Variants in SLC29A3 observed in about 807,000 individuals in gnomAD.
The protein encoded by SLC29A3 is solute carrier family 29 member 3.
Under a neutral mutation model 25.4 loss-of-function variants are expected in SLC29A3, and 18 were observed. The observed-to-expected ratio is 0.71, with a 90% CI of 0.49 to 1.05. The LOEUF (loss-of-function observed/expected upper bound fraction) is 1.05, where lower values mean the gene tolerates loss of function less well. Ranked by LOEUF, SLC29A3 falls within the 50% of genes least tolerant of loss-of-function variation. The pLI, the probability that SLC29A3 is intolerant of heterozygous loss-of-function variation, is 0.00. For missense variants in SLC29A3, 586 were observed against 609.0 expected, an observed-to-expected ratio of 0.96 and a Z score of 0.40; for synonymous variants, 258 against 267.1, an observed-to-expected ratio of 0.97 and a Z score of 0.33.
At chr10:71,378,101 G>GGA (rs1350877394) in intron 4 of SLC29A3, among the ~76,000 whole-genome samples, 5 of 138,196 alleles carry the variant, frequency 3.6e-5, no homozygotes, top group Non-Finnish European at 7.7e-5. Context: ...ATGTTGGGGG[G>GGA]GGGGGTCCTC....
rs775986418 is a variant in SLC29A3, at chr10:71,351,555, G to A, written c.384-7G>A. The A allele has an allele frequency of 9.9e-6, 16 of 1,613,160 alleles. No individual in the cohort carries two copies. The highest frequency in any genetic ancestry group is 4.0e-5 in the African/African-American group (3 of 74,896). On this transcript the variant is annotated splice_polypyrimidine_tract_variant and splice_region_variant and intron_variant, in intron 3 of 5. Transcript: ENST00000373189. ...GTGTCTAACTGCTTCTGGCATCCTCGCCCCAGGGTTGCAGTCCACATCCGT... is the reference window on the plus strand; with the variant it reads ...GTGTCTAACTGCTTCTGGCATCCTCACCCCAGGGTTGCAGTCCACATCCGT...
chr10:71,337,430 A>G (rs1846281425), intron 2 of SLC29A3, among the ~76,000 whole-genome samples: 1 of 152,238 alleles, frequency 6.6e-6, no homozygotes, highest in Non-Finnish European at 1.5e-5. Flanking sequence ...TCTTGGCTCC[A>G]ACCTGCTCGC....
rs1847196125 is a variant in SLC29A3, at chr10:71,369,623, C to A, written c.*95-6072C>A. 2.0e-5 allele frequency among the ~76,000 whole-genome samples: 3 copies of A among 152,234 alleles called. No homozygotes were observed. The South Asian group carries it at 6.2e-4, about 31-fold the overall frequency. ...GAGCAACAATCCAACCTGGGCTCTG[C>A]AATCCACTGCTGGCCATGAGCTTGG... is the stretch of plus-strand genomic sequence containing the variant. On this transcript the variant is annotated intron_variant and NMD_transcript_variant, in intron 3 of 4. Transcript: ENST00000642772.
At chr10:71,334,579 A>G (rs1846196410) in intron 2 of SLC29A3, among the ~76,000 whole-genome samples, 1 of 152,218 alleles carries the variant, frequency 6.6e-6, no homozygotes, top group South Asian at 2.1e-4. Flanking sequence ...TGAATCTCCC[A>G]TGTCTACAAC....
At chr10:71,350,825 A>G (rs1846735918) in intron 3 of SLC29A3, among the ~76,000 whole-genome samples, 1 of 152,176 alleles carries the variant, frequency 6.6e-6, no homozygotes, top group Non-Finnish European at 1.5e-5. Context: ...TCCTGGGTTC[A>G]TTGCTGAGTG....
intron 2 of SLC29A3, among the ~76,000 whole-genome samples, chr10:71,333,840 A>G (rs1022534598): frequency 6.6e-6 from 1 of 152,152 alleles, no homozygotes; most frequent in Non-Finnish European, 1.5e-5. Flanking sequence ...TCGTGCATGG[A>G]TCCGTGAGGT....
intron 2 of SLC29A3, among the ~76,000 whole-genome samples, chr10:71,332,692 T>C (rs1021783504): frequency 6.6e-6 from 1 of 152,196 alleles, no homozygotes; most frequent in African/African-American, 2.4e-5. Context: ...TTTTAAAAAT[T>C]AGAACCAAAA....
chr10:71,323,160 A>G, intron 2 of SLC29A3, 106 bp downstream of exon 2: 4 of 1,434,472 alleles, frequency 2.8e-6, no homozygotes, highest in Non-Finnish European at 3.9e-6. Context: ...CCTTTAGATC[A>G]CTTACTGTTT....
intron 4 of SLC29A3, among the ~76,000 whole-genome samples, chr10:71,355,473 G>A (rs1287476289): frequency 6.6e-6 from 1 of 152,234 alleles, no homozygotes; most frequent in Non-Finnish European, 1.5e-5. Context: ...TGTTACACAT[G>A]CATTCACATG....
chr10:71,330,127 G>A lies in SLC29A3; in HGVS notation c.300+7073G>A, dbSNP rs1244879965. Reference sequence around the variant, plus strand: ...CCAGCCAGTGGTGGCCCCTGGAAGAGCCTTTGCCCTTTCTCTTGGTAATGC... The same window carrying A: ...CCAGCCAGTGGTGGCCCCTGGAAGAACCTTTGCCCTTTCTCTTGGTAATGC... On this transcript the variant is annotated intron_variant, in intron 2 of 5. Coordinates refer to ENST00000373189, the MANE Select transcript of SLC29A3 (RefSeq NM_018344.6). Among the ~76,000 whole-genome samples, 4 of 152,234 alleles carry A rather than the reference G, an allele frequency of 2.6e-5. No homozygotes were observed. In the East Asian group the frequency reaches 7.7e-4, roughly 29 times the overall value.
chr10:71,320,341 AG>A (rs1283645666), intron 1 of SLC29A3, among the ~76,000 whole-genome samples: 1 of 152,150 alleles, frequency 6.6e-6, no homozygotes, highest in African/African-American at 2.4e-5. Flanking sequence ...GTAACAAGTG[AG>A]CTTGTTACAT....
intron 4 of SLC29A3, 35 bp from the exon 5 acceptor site, chr10:71,356,046 C>G (rs776604934): frequency 2.5e-6 from 4 of 1,612,008 alleles, no homozygotes; most frequent in Non-Finnish European, 3.4e-6. Context: ...CTCGCCCACC[C>G]CTCACCATCT....
chr10:71,329,619 G>C (rs979673190), intron 2 of SLC29A3, among the ~76,000 whole-genome samples: 1 of 152,148 alleles, frequency 6.6e-6, no homozygotes, highest in Non-Finnish European at 1.5e-5. Context: ...GTGTGGTCGC[G>C]TGTGCCTGTA....
intron 2 of SLC29A3, among the ~76,000 whole-genome samples, chr10:71,323,875 G>C (rs144752100): frequency 6.6e-6 from 1 of 152,328 alleles, no homozygotes; most frequent in Non-Finnish European, 1.5e-5. Flanking sequence ...GACAAACTGT[G>C]AAGCTGTGTT....
chr10:71,361,852 C>A, intron 5 of SLC29A3, 102 bp from the exon 6 acceptor site: 1 of 1,407,408 alleles, frequency 7.1e-7, no homozygotes, highest in Non-Finnish European at 9.9e-7. Flanking sequence ...CTTGGGCTCT[C>A]CATGCTGGGC....
rs1475951114 is a variant in SLC29A3 at position 71,357,780 on chromosome 10, C to T, written c.773+1537C>T. Among the ~76,000 whole-genome samples, 4 of 152,190 alleles carry T rather than the reference C, an allele frequency of 2.6e-5. No individual in the cohort carries two copies. In the East Asian group the frequency reaches 5.8e-4, roughly 22 times the overall value. ...TGCTTTTTATAAAAACAACGCTTGT[C>T]TTTCTCTCGTGTTTTATTCTTTTCA... On this transcript the variant is annotated intron_variant, in intron 5 of 5. Transcript: ENST00000373189.
chr10:71,343,639 G>A (rs974333953), intron 2 of SLC29A3, among the ~76,000 whole-genome samples: 2 of 152,156 alleles, frequency 1.3e-5, no homozygotes, highest in African/African-American at 4.8e-5. Flanking sequence ...GCAAGAAAGC[G>A]AGAATGTGGT....
At chr10:71,344,157 C>T in intron 2 of SLC29A3, 52 bp from the exon 3 acceptor site, 6 of 1,425,218 alleles carry the variant, frequency 4.2e-6, no homozygotes, top group South Asian at 3.4e-5. Flanking sequence ...CGTGGAACTG[C>T]TCACCTCCAT....
intron 2 of SLC29A3, among the ~76,000 whole-genome samples, chr10:71,323,795 G>C (rs1262374431): frequency 6.6e-6 from 1 of 152,160 alleles, no homozygotes; most frequent in African/African-American, 2.4e-5. Flanking sequence ...TCAAGAAAGG[G>C]GAGGAAACGA....
Sources: allele counts gnomAD v4.1 joint callset (sites outside exome capture counted in the v4.1 genomes callset), GRCh38; gene constraint gnomAD v4.1.1; transcripts MANE v1.5; gene names NCBI Gene and HGNC (gene_info 2026-07-23, HGNC 2026-07-21).